Variants in NTF3 observed in about 807,000 individuals in gnomAD.
NTF3 encodes neurotrophin 3, also known as neurotrophin-3.
A neutral mutation model predicts 26.3 loss-of-function variants in NTF3; 8 were observed. That is an observed-to-expected ratio of 0.30 (90% confidence interval 0.18 to 0.55). The LOEUF (loss-of-function observed/expected upper bound fraction) is 0.55, where lower values mean the gene tolerates loss of function less well. NTF3 is among the 20% of genes least tolerant of loss of function. The pLI is 0.93. For missense variants in NTF3, 276 were observed against 352.9 expected, an observed-to-expected ratio of 0.78 and a Z score of 1.75; for synonymous variants, 154 against 145.5, an observed-to-expected ratio of 1.06 and a Z score of -0.42.
At chr12:5,438,106 G>C (rs1940194486) in intron 1 of NTF3, among the ~76,000 whole-genome samples, 1 of 151,262 alleles carries the variant, frequency 6.6e-6, no homozygotes, top group Non-Finnish European at 1.5e-5. Context: ...GGCCAGTGTA[G>C]ATATTACCTC....
intron 1 of NTF3, among the ~76,000 whole-genome samples, chr12:5,436,973 A>C (rs1940175330): frequency 6.6e-6 from 1 of 152,226 alleles, no homozygotes; most frequent in Non-Finnish European, 1.5e-5. Flanking sequence ...CAGCAAAAAT[A>C]ATAATTGCCC....
intron 1 of NTF3, among the ~76,000 whole-genome samples, chr12:5,438,827 A>T (rs1347132251): frequency 2.0e-5 from 3 of 152,182 alleles, no homozygotes; most frequent in African/African-American, 7.2e-5. Flanking sequence ...GAAGGGCTTG[A>T]ATTAGAAGAT....
chr12:5,440,821 G>A (rs916671279), intron 1 of NTF3, among the ~76,000 whole-genome samples: 3 of 152,206 alleles, frequency 2.0e-5, no homozygotes, highest in Admixed American at 1.3e-4. Context: ...CTGCTCCCTC[G>A]GCCCCACACT....
At chr12:5,483,257 G>T (rs1017385165) in intron 1 of NTF3, among the ~76,000 whole-genome samples, 4 of 151,888 alleles carry the variant, frequency 2.6e-5, no homozygotes, top group Non-Finnish European at 4.4e-5. Flanking sequence ...AAGTCTCCAT[G>T]AGCAGTGGGT....
intron 1 of NTF3, among the ~76,000 whole-genome samples, chr12:5,483,173 C>G (rs749334873): frequency 1.3e-5 from 2 of 151,484 alleles, no homozygotes; most frequent in Non-Finnish European, 2.9e-5. Flanking sequence ...CTATCTCTTT[C>G]TCTCTCTCCC....
chr12:5,444,284 T>G (rs750237203), intron 1 of NTF3, among the ~76,000 whole-genome samples: 4 of 152,216 alleles, frequency 2.6e-5, no homozygotes, highest in Non-Finnish European at 5.9e-5. Context: ...TCCTGTGGTA[T>G]GCTGATGTCT....
intron 1 of NTF3, among the ~76,000 whole-genome samples, chr12:5,491,891 A>G (rs1241673855): frequency 1.3e-5 from 2 of 148,338 alleles, no homozygotes; most frequent in Non-Finnish European, 3.0e-5. Context: ...TAATTTTTGT[A>G]TTTTTTTTTA....
chr12:5,485,323 G>A (rs570325450), intron 1 of NTF3, among the ~76,000 whole-genome samples: 170 of 152,342 alleles, frequency 1.1e-3, no homozygotes, highest in African/African-American at 4.0e-3. Context: ...CAATGAAGTG[G>A]CAGGTGCCTT....
At chr12:5,449,613 C>T (rs1410364224) in intron 1 of NTF3, among the ~76,000 whole-genome samples, 2 of 152,166 alleles carry the variant, frequency 1.3e-5, no homozygotes, top group Non-Finnish European at 2.9e-5. Context: ...CCTAACATTC[C>T]TGACTCCCGA....
At chr12:5,481,199 A>T (rs751178790) in intron 1 of NTF3, among the ~76,000 whole-genome samples, 1 of 152,108 alleles carries the variant, frequency 6.6e-6, no homozygotes, top group Non-Finnish European at 1.5e-5. Flanking sequence ...CCCTTGCTGG[A>T]GGAGCAATTT....
At chr12:5,443,755 T>C (rs2121152458) in intron 1 of NTF3, among the ~76,000 whole-genome samples, 1 of 152,202 alleles carries the variant, frequency 6.6e-6, no homozygotes, top group East Asian at 1.9e-4. Context: ...TTTTACTCCT[T>C]GTCTCTTTTT....
chr12:5,441,653 C>T (rs1263993672), intron 1 of NTF3, among the ~76,000 whole-genome samples: 6 of 152,182 alleles, frequency 3.9e-5, no homozygotes, highest in African/African-American at 4.8e-5. Flanking sequence ...CCTTGAATAG[C>T]GACAGCCACA....
chr12:5,460,799 T>G (rs1940515273), intron 1 of NTF3, among the ~76,000 whole-genome samples: 1 of 152,186 alleles, frequency 6.6e-6, no homozygotes, highest in Non-Finnish European at 1.5e-5. Flanking sequence ...TTTCCCTTAA[T>G]ACCAGGCCCC....
intron 1 of NTF3, among the ~76,000 whole-genome samples, chr12:5,443,276 C>T (rs1017934132): frequency 6.6e-6 from 1 of 152,124 alleles, no homozygotes; most frequent in African/African-American, 2.4e-5. Flanking sequence ...CCCCCATCCC[C>T]GACCCTGCAT....
chr12:5,442,763 G>A (rs1940254829), intron 1 of NTF3, among the ~76,000 whole-genome samples: 1 of 152,192 alleles, frequency 6.6e-6, no homozygotes, highest in African/African-American at 2.4e-5. Flanking sequence ...ACATCTGTCA[G>A]ATGGTTTCCG....
chr12:5,465,740 T>C (rs1940581817), intron 1 of NTF3, among the ~76,000 whole-genome samples: 1 of 152,222 alleles, frequency 6.6e-6, no homozygotes, highest in African/African-American at 2.4e-5. Context: ...GCTGTCCAGC[T>C]CACCTGGTGG....
Position 5,432,153 on chromosome 12 carries a change from GC to G in NTF3, c.-168del. On this transcript the variant is annotated 5_prime_UTR_variant, in exon 1 of 2. Coordinates refer to ENST00000423158, the MANE Select transcript of NTF3 (RefSeq NM_001102654.2). ...TCCCTTCCGAACAGCTCCGCGCACCGCCCCGCGACGCAGCCCGGCGCAACTA... is the reference window on the plus strand; with the variant it reads ...TCCCTTCCGAACAGCTCCGCGCACCGCCCGCGACGCAGCCCGGCGCAACTA... 1 of 744,880 alleles carries G rather than the reference GC, an allele frequency of 1.3e-6. No individual in the cohort carries two copies. The highest frequency in any genetic ancestry group is 2.3e-6 in the Non-Finnish European group (1 of 428,018). 46.1% of individuals were successfully genotyped at this position (744,880 alleles called of 1,614,324 possible). A position where few individuals can be genotyped will look rare whatever the true frequency, so the allele number is the denominator to read the frequency against.
At chr12:5,486,947 A>G (rs926720997) in intron 1 of NTF3, among the ~76,000 whole-genome samples, 4 of 152,062 alleles carry the variant, frequency 2.6e-5, no homozygotes, top group Non-Finnish European at 5.9e-5. Context: ...GCATGCACAC[A>G]TGTATGCACA....
intron 1 of NTF3, among the ~76,000 whole-genome samples, chr12:5,479,270 T>C (rs911003371): frequency 6.6e-6 from 1 of 152,212 alleles, no homozygotes. Context: ...CTTGGGCCAG[T>C]AATGGACCCA....
Sources: gnomAD v4.1 joint callset for allele counts (sites outside exome capture counted in the v4.1 genomes callset) on GRCh38, gnomAD v4.1.1 for gene constraint, MANE v1.5 for transcripts, NCBI Gene and HGNC (gene_info 2026-07-23, HGNC 2026-07-21) for gene names.